The following LCN9 variants were observed in gnomAD, a reference collection of about 807,000 sequenced individuals.
The protein encoded by LCN9 is epididymal-specific lipocalin-9.
A neutral mutation model predicts 18.5 loss-of-function variants in LCN9; 22 were observed. The ratio of observed to expected loss-of-function variants is 1.19; its 90% CI spans 0.85 to 1.70. The LOEUF (loss-of-function observed/expected upper bound fraction) is 1.70. LCN9 is among the 40% of genes most tolerant of loss of function. The pLI, the probability that LCN9 is intolerant of heterozygous loss-of-function variation, is 0.00. For missense variants in LCN9, 202 were observed against 201.3 expected (o/e 1.00, Z -0.02); for synonymous variants, 89 against 83.0 (o/e 1.07, Z -0.39).
At chr9:135,666,008 C>G (rs1292356689) in exon 6 of LCN9, 2 of 1,599,676 alleles carry the variant, frequency 1.3e-6, no homozygotes, top group African/African-American at 2.7e-5. Context: ...CCATCCCTCC[C>G]CCTGGTCTGG....
exon 1 of LCN9, chr9:135,663,309 G>A (rs368549480): frequency 2.1e-5 from 34 of 1,607,348 alleles, no homozygotes; most frequent in South Asian, 9.9e-5. Context: ...GGGCTGAGGC[G>A]TCCACGGCAA....
exon 6 of LCN9, among the ~76,000 whole-genome samples, chr9:135,666,722 C>T: frequency 6.6e-6 from 1 of 152,092 alleles, no homozygotes; most frequent in Non-Finnish European, 1.5e-5. Context: ...GCGTGGTGGC[C>T]CCAAGATGCG....
In LCN9 at chr9:135,664,544, C is replaced by T. The variant is rs549010357; in HGVS notation, c.234-178C>T. 6.6e-6 allele frequency among the ~76,000 whole-genome samples: 1 copy of T among 152,146 alleles called. No individual in the cohort carries two copies. The highest frequency in any genetic ancestry group is 1.9e-4 in the East Asian group (1 of 5,172). ...CCCCTTCCAAGGCTGGGGTGAGGTTCGAGGAGATGAGGGTGTCCGGTGGGC... is the reference window on the plus strand; with the variant it reads ...CCCCTTCCAAGGCTGGGGTGAGGTTTGAGGAGATGAGGGTGTCCGGTGGGC... On this transcript the variant is annotated intron_variant, in intron 2 of 5. Transcript: ENST00000619315. The surrounding 1 kb of genome is among the most constrained non-coding windows in gnomAD (Gnocchi z 4.5).
chr9:135,663,322 A>T, exon 1 of LCN9: 1 of 1,612,328 alleles, frequency 6.2e-7, no homozygotes, highest in Non-Finnish European at 8.5e-7. Context: ...CACGGCAAAG[A>T]TGGCTCTGCT....
exon 6 of LCN9, chr9:135,666,322 G>A (rs920401157): frequency 1.7e-6 from 1 of 595,634 alleles, no homozygotes; most frequent in Non-Finnish European, 2.9e-6. Flanking sequence ...CTGGCTTGTG[G>A]CTGTCACTCC....
In LCN9 at chr9:135,664,786, T is replaced by TC. The variant is rs1163286017; in HGVS notation, c.300dup (p.Ile101HisfsTer4). On this transcript the variant is annotated frameshift_variant, in exon 3 of 6. Coordinates refer to ENST00000619315, the Ensembl canonical transcript of LCN9. LOFTEE classifies it high-confidence loss of function. This position sits in a 1 kb window ranked among gnomAD's most constrained non-coding sequence, Gnocchi z 4.5. ...GAAGACAGAGAAGAATGGGGAATACTCCATCAACTGTAAGTGGAAGCCAGG... is the reference window on the plus strand; with the variant it reads ...GAAGACAGAGAAGAATGGGGAATACTCCCATCAACTGTAAGTGGAAGCCAGG... The TC allele has an allele frequency of 5.0e-6, 8 of 1,588,580 alleles. No homozygotes were observed. In the Admixed American group the frequency reaches 5.3e-5, roughly 11 times the overall value.
At position 135,664,394 on chromosome 9, in the gene LCN9, A is replaced by C; in HGVS notation, c.233+96A>C. 4.2e-5 allele frequency: 61 copies of C among 1,455,976 alleles called. No individual in the cohort carries two copies. The highest frequency in any genetic ancestry group is 5.5e-5 in the Non-Finnish European group (58 of 1,054,184). The allele number at this position is 1,455,976 out of a possible 1,614,324, so 90.2% of individuals were successfully genotyped here. ...CTTGCACACACACGCTCGCACACTCACTGACTTGCACTCTGGTGAGAGCCT... is the reference window on the plus strand; with the variant it reads ...CTTGCACACACACGCTCGCACACTCCCTGACTTGCACTCTGGTGAGAGCCT... On this transcript the variant is annotated intron_variant, in intron 2 of 5. Coordinates refer to ENST00000619315, the Ensembl canonical transcript of LCN9. This position sits in a 1 kb window ranked among gnomAD's most constrained non-coding sequence, Gnocchi z 4.5.
Position 135,665,129 on chromosome 9 carries a change from C to A in LCN9, c.308-116C>A, listed in dbSNP as rs983326222. 22 of 749,764 alleles carry A rather than the reference C, an allele frequency of 2.9e-5. No homozygotes were observed. The highest frequency in any genetic ancestry group is 5.0e-5 in the Non-Finnish European group (22 of 436,714). 46.4% of individuals were successfully genotyped at this position (749,764 alleles called of 1,614,324 possible). A position where few individuals can be genotyped will look rare whatever the true frequency, so the allele number is the denominator to read the frequency against. Reference sequence around the variant, plus strand: ...GCTGGGTGAGCACCGTGGGCTCCTCCCCTCCCGCCTCAAAAGGCCACTTGA... The same window carrying A: ...GCTGGGTGAGCACCGTGGGCTCCTCACCTCCCGCCTCAAAAGGCCACTTGA... On this transcript the variant is annotated intron_variant, in intron 3 of 5. Coordinates refer to ENST00000619315, the Ensembl canonical transcript of LCN9. This position sits in a 1 kb window ranked among gnomAD's most constrained non-coding sequence, Gnocchi z 5.9.
rs192968362 is a variant in LCN9, at chr9:135,664,077, G to A, written c.97-85G>A. 346 of 1,474,826 alleles carry A rather than the reference G, an allele frequency of 2.3e-4. 2 individuals carry two copies. The East Asian group carries it at 2.8e-3, about 12-fold the overall frequency. The allele number at this position is 1,474,826 out of a possible 1,614,324, so 91.4% of individuals were successfully genotyped here. On this transcript the variant is annotated intron_variant, in intron 1 of 5. Coordinates refer to ENST00000619315, the Ensembl canonical transcript of LCN9. The surrounding 1 kb of genome is among the most constrained non-coding windows in gnomAD (Gnocchi z 4.5). ...GTTGGGAGCCAGATGCTAAGGGGCC[G>A]GGCCCTGGGAGGGAAGACTGTGGGC...
chr9:135,666,199 A>C, exon 6 of LCN9: 2,192 of 1,476,122 alleles, frequency 1.5e-3, no homozygotes, highest in Non-Finnish European at 1.8e-3. Flanking sequence ...TTACTTTCTC[A>C]CAGCCTGGAG....
At position 135,664,345 on chromosome 9, in the gene LCN9, G is replaced by A; in HGVS notation, c.233+47G>A. The stretch of plus-strand genomic sequence containing the variant: ...TGGCATCAGGAAGACCCATGCCCCT[G>A]CCACCCCAACGCATACTCTCACTCT... On this transcript the variant is annotated intron_variant, in intron 2 of 5. Coordinates refer to ENST00000619315, the Ensembl canonical transcript of LCN9. The surrounding 1 kb of genome is among the most constrained non-coding windows in gnomAD (Gnocchi z 4.5). 6.2e-7 allele frequency: 1 copy of A among 1,609,852 alleles called. No individual in the cohort carries two copies. Among genetic ancestry groups the A allele is most frequent in the Non-Finnish European group, 8.5e-7 (1 of 1,177,712 alleles).
Position 135,665,748 on chromosome 9 carries a change from C to G in LCN9, c.*5C>G. ...CACAAAATATCATCGACTTGACCAA[C>G]AAAGGTCAGCCCCACTGCTCCCGGA... On this transcript the variant is annotated 3_prime_UTR_variant, in exon 5 of 6. Transcript: ENST00000619315. This position sits in a 1 kb window ranked among gnomAD's most constrained non-coding sequence, Gnocchi z 5.9. The G allele has an allele frequency of 1.2e-6, 2 of 1,613,510 alleles. No individual in the cohort carries two copies. The highest frequency in any genetic ancestry group is 2.2e-5 in the East Asian group (1 of 44,868).
At position 135,664,787 on chromosome 9, in the gene LCN9, CCAT is replaced by C. The variant is rs1564286223; in HGVS notation, c.302_304del (p.Ile101del). ...AAGACAGAGAAGAATGGGGAATACT[CCAT>C]CAACTGTAAGTGGAAGCCAGGCTCC... On this transcript the variant is annotated inframe_deletion, in exon 3 of 6. Coordinates refer to ENST00000619315, the Ensembl canonical transcript of LCN9. The surrounding 1 kb of genome is among the most constrained non-coding windows in gnomAD (Gnocchi z 4.5). 1 of 1,587,980 alleles carries C rather than the reference CCAT, an allele frequency of 6.3e-7. No homozygotes were observed. Among genetic ancestry groups the C allele is most frequent in the South Asian group, 1.2e-5 (1 of 86,776 alleles).
At chr9:135,663,372 G>A (rs372226383) in exon 1 of LCN9, 1 of 1,613,874 alleles carries the variant, frequency 6.2e-7, no homozygotes, top group African/African-American at 1.3e-5. Flanking sequence ...CAGCCCAGGA[G>A]TTCGATCCCC....
Position 135,664,424 on chromosome 9 carries a change from C to T in LCN9, c.233+126C>T, listed in dbSNP as rs941101440. 2 of 1,276,614 alleles carry T rather than the reference C, an allele frequency of 1.6e-6. No homozygotes were observed. Among genetic ancestry groups the T allele is most frequent in the Non-Finnish European group, 2.2e-6 (2 of 902,168 alleles). The allele number at this position is 1,276,614 out of a possible 1,614,324, so 79.1% of individuals were successfully genotyped here. On this transcript the variant is annotated intron_variant, in intron 2 of 5. Transcript: ENST00000619315. This position sits in a 1 kb window ranked among gnomAD's most constrained non-coding sequence, Gnocchi z 4.5. The stretch of plus-strand genomic sequence containing the variant: ...CTTGCACTCTGGTGAGAGCCTGAGC[C>T]TGTGCGTGTGACCCTTGGGGGCAGG...
rs1327792071 is a variant in LCN9, at chr9:135,664,726, C to T, written c.238C>T (p.Gln80Ter). The change falls in exon 3 of 6, where the codon CAG becomes TAG. Residue 80 changes from glutamine (Q) to a stop codon, truncating the protein, a stop_gained. Transcript: ENST00000619315. LOFTEE classifies it high-confidence loss of function. This position sits in a 1 kb window ranked among gnomAD's most constrained non-coding sequence, Gnocchi z 4.5. ...ATCTTCCTGGCTGGCTTCCAGGGTG[C>T]AGGGGGAGTGTGTGGCTGTGGTCGT... is the stretch of plus-strand genomic sequence containing the variant. The T allele has an allele frequency of 1.9e-6, 3 of 1,594,654 alleles. No homozygotes were observed. The highest frequency in any genetic ancestry group is 2.6e-6 in the Non-Finnish European group (3 of 1,171,378).
chr9:135,663,937 G>A (rs536764728), intron 1 of LCN9, among the ~76,000 whole-genome samples: 6 of 142,878 alleles, frequency 4.2e-5, no homozygotes, highest in African/African-American at 1.4e-4. Context: ...GGGGGGCAGC[G>A]GGGGCCCTGG....
chr9:135,665,828 T>TCC lies in LCN9; in HGVS notation c.*10-31_*10-30dup. ...GGGAGGTGTGCCTGCGGGGTCCCTG[T>TCC]CCCTGCGCTGAGAGCCCCCTCTGTC... On this transcript the variant is annotated intron_variant, in intron 5 of 5. Transcript: ENST00000619315. The surrounding 1 kb of genome is among the most constrained non-coding windows in gnomAD (Gnocchi z 5.9). 1.9e-6 allele frequency: 3 copies of TCC among 1,611,990 alleles called. No homozygotes were observed. The highest frequency in any genetic ancestry group is 1.7e-6 in the Non-Finnish European group (2 of 1,179,126).
At chr9:135,666,817 C>T (rs1258318226) in exon 6 of LCN9, among the ~76,000 whole-genome samples, 1 of 151,062 alleles carries the variant, frequency 6.6e-6, no homozygotes, top group African/African-American at 2.4e-5. Flanking sequence ...CTCCCTGTCC[C>T]TCCCCTCTCT....
Sources: gnomAD v4.1 joint callset for allele counts (sites outside exome capture counted in the v4.1 genomes callset) on GRCh38, gnomAD v4.1.1 for gene constraint, Gnocchi (gnomAD v3.1) non-coding constraint, MANE v1.5 for transcripts, NCBI Gene and HGNC (gene_info 2026-07-23, HGNC 2026-07-21) for gene names.